The following PEA15 variants were observed in gnomAD, a reference collection of about 807,000 sequenced individuals.
The protein encoded by PEA15 is proliferation and apoptosis adaptor protein 15, also known as astrocytic phosphoprotein PEA-15.
For missense variants in PEA15, 77 were observed against 161.3 expected (o/e 0.48, Z 2.83); for synonymous variants, 60 against 61.8 (o/e 0.97, Z 0.13).
Position 160,215,157 on chromosome 1 carries a change from T to A in PEA15, c.*1671T>A, listed in dbSNP as rs1655053333. ...TGTTACATTAGAGTGAGAGAGAGAA[T>A]AAGGAGCCTTTCTTATGGAAGAAAT... is the stretch of plus-strand genomic sequence containing the variant. On this transcript the variant is annotated 3_prime_UTR_variant, in exon 4 of 4. Coordinates refer to ENST00000360472, the MANE Select transcript of PEA15 (RefSeq NM_003768.5). The A allele has an allele frequency of 6.6e-6, 1 of 152,514 alleles. No individual in the cohort carries two copies. The highest frequency in any genetic ancestry group is 1.5e-5 in the Non-Finnish European group (1 of 68,030). The allele number at this position is 152,514 out of a possible 1,614,324, so 9.4% of individuals were successfully genotyped here. A position where few individuals can be genotyped will look rare whatever the true frequency, so the allele number is the denominator to read the frequency against.
chr1:160,213,014 A>G lies in PEA15; in HGVS notation c.173-96A>G. 1.6e-6 allele frequency: 2 copies of G among 1,254,152 alleles called. No individual in the cohort carries two copies. The highest frequency in any genetic ancestry group is 2.3e-6 in the Non-Finnish European group (2 of 862,912). The allele number at this position is 1,254,152 out of a possible 1,614,324, so 77.7% of individuals were successfully genotyped here. On this transcript the variant is annotated intron_variant, in intron 2 of 3. Coordinates refer to ENST00000360472, the MANE Select transcript of PEA15 (RefSeq NM_003768.5). The surrounding 1 kb of genome is among the most constrained non-coding windows in gnomAD (Gnocchi z 5.3). ...GTTGTACCCTCCCATAACCAATGTC[A>G]GCAACTCAGCTTTGGTTCCAGGTCA...
chr1:160,213,945 A>C lies in PEA15; in HGVS notation c.*459A>C. 5.6e-6 allele frequency: 1 copy of C among 178,674 alleles called. No homozygotes were observed. The allele number at this position is 178,674 out of a possible 1,614,324, so 11.1% of individuals were successfully genotyped here. ...GGACGGAAGGCAAAGAGACCACTCA[A>C]CCCCCACCTGGAAGGGGCAAAGAAA... On this transcript the variant is annotated 3_prime_UTR_variant, in exon 4 of 4. Transcript: ENST00000360472. The surrounding 1 kb of genome is among the most constrained non-coding windows in gnomAD (Gnocchi z 5.3).
intron 1 of PEA15, among the ~76,000 whole-genome samples, chr1:160,206,847 T>C (rs1185304517): frequency 6.6e-6 from 1 of 152,130 alleles, no homozygotes; most frequent in Non-Finnish European, 1.5e-5. Context: ...GTCAGAGCGA[T>C]TAGCTTTAAT....
chr1:160,211,444 G>A, intron 1 of PEA15, 99 bp from the exon 2 acceptor site: 1 of 1,413,482 alleles, frequency 7.1e-7, no homozygotes, highest in Non-Finnish European at 9.5e-7. Context: ...GCACATGCCT[G>A]GTAGGGCAGA....
intron 1 of PEA15, among the ~76,000 whole-genome samples, chr1:160,209,319 T>C (rs932958401): frequency 4.1e-4 from 62 of 152,060 alleles, no homozygotes; most frequent in Non-Finnish European, 6.0e-4. Flanking sequence ...CACACATTTC[T>C]CCTCTGCCAC....
At chr1:160,207,697 A>C (rs4656891) in intron 1 of PEA15, among the ~76,000 whole-genome samples, 7,459 of 152,184 alleles carry the variant, frequency 0.049, 196 homozygotes, top group East Asian at 0.091. Flanking sequence ...CTCCTCCCCC[A>C]CAAAGCTGGA....
At chr1:160,209,356 T>C (rs1654748720) in intron 1 of PEA15, among the ~76,000 whole-genome samples, 1 of 152,174 alleles carries the variant, frequency 6.6e-6, no homozygotes, top group Admixed American at 6.5e-5. Context: ...CCATCTCTCT[T>C]AGGGGCCTCC....
At chr1:160,210,172 G>A (rs1473472944) in intron 1 of PEA15, among the ~76,000 whole-genome samples, 2 of 152,226 alleles carry the variant, frequency 1.3e-5, no homozygotes, top group African/African-American at 2.4e-5. Context: ...TTCCCCTGCA[G>A]TAGAGCAAGA....
intron 1 of PEA15, chr1:160,211,253 A>T: frequency 9.3e-7 from 1 of 1,073,530 alleles, no homozygotes; most frequent in Non-Finnish European, 1.1e-6. Context: ...AGTCAGGGGA[A>T]CTGTTGCCAG....
Position 160,213,012 on chromosome 1 carries a change from T to C in PEA15, c.173-98T>C, listed in dbSNP as rs979445381. 1 of 1,226,996 alleles carries C rather than the reference T, an allele frequency of 8.1e-7. No homozygotes were observed. The highest frequency in any genetic ancestry group is 1.5e-5 in the African/African-American group (1 of 67,460). The allele number at this position is 1,226,996 out of a possible 1,614,324, so 76.0% of individuals were successfully genotyped here. A position where few individuals can be genotyped will look rare whatever the true frequency, so the allele number is the denominator to read the frequency against. On this transcript the variant is annotated intron_variant, in intron 2 of 3. Transcript: ENST00000360472. This position sits in a 1 kb window ranked among gnomAD's most constrained non-coding sequence, Gnocchi z 5.3. ...GTGTTGTACCCTCCCATAACCAATG[T>C]CAGCAACTCAGCTTTGGTTCCAGGT...
chr1:160,207,050 T>C (rs1654630382), intron 1 of PEA15: 8 of 152,482 alleles, frequency 5.2e-5, no homozygotes. Context: ...AATGTCATGA[T>C]GGATATCTTC....
intron 1 of PEA15, chr1:160,207,346 G>C (rs1357000133): frequency 1.3e-5 from 2 of 152,402 alleles, no homozygotes; most frequent in Non-Finnish European, 2.9e-5. Context: ...GAGATGGAGA[G>C]AGACAGAAAT....
At position 160,211,527 on chromosome 1, in the gene PEA15, C is replaced by T. The variant is rs376332421; in HGVS notation, c.-2-16C>T. 4.6e-5 allele frequency: 73 copies of T among 1,597,382 alleles called. No homozygotes were observed. The African/African-American group carries it at 7.2e-4, about 16-fold the overall frequency. ...TTAAGCTCAACTCCTATCCCTTTGT[C>T]GCCTCCCAACCCCAGTCATGGCTGA... On this transcript the variant is annotated splice_polypyrimidine_tract_variant and intron_variant, in intron 1 of 3. Coordinates refer to ENST00000360472, the MANE Select transcript of PEA15 (RefSeq NM_003768.5).
Position 160,213,258 on chromosome 1 carries a change from G to C in PEA15, c.321G>C (p.Lys107Asn), listed in dbSNP as rs750006490. ...TKLTRIPSAKKYKDIIRQPSE... is the reference protein window; with the variant it reads ...TKLTRIPSAKNYKDIIRQPSE... ...TAACCCGTATCCCCAGTGCCAAGAA[G>C]TACAAAGGTAAGCGGCCACTCCTTT... The change falls in exon 3 of 4, where the codon AAG becomes AAC. Residue 107 changes from lysine to asparagine, a missense_variant. Lys to Asn is a moderately conservative substitution (Grantham distance 94). Transcript: ENST00000360472. The surrounding 1 kb of genome is among the most constrained non-coding windows in gnomAD (Gnocchi z 5.3). The C allele has an allele frequency of 6.2e-7, 1 of 1,614,218 alleles. No individual in the cohort carries two copies.
Position 160,213,171 on chromosome 1 carries a change from G to A in PEA15, c.234G>A (p.Met78Ile). The A allele has an allele frequency of 6.2e-7, 1 of 1,614,162 alleles. No individual in the cohort carries two copies. Among genetic ancestry groups the A allele is most frequent in the Non-Finnish European group, 8.5e-7 (1 of 1,180,020 alleles). ...CCCGCCGTCCTGACCTACTCACTATGGTGGTTGACTACAGAACCCGTGTGC... is the reference window on the plus strand; with the variant it reads ...CCCGCCGTCCTGACCTACTCACTATAGTGGTTGACTACAGAACCCGTGTGC... ...EISRRPDLLT[M>I]VVDYRTRVLK... The change falls in exon 3 of 4, where the codon ATG becomes ATA. Residue 78 changes from methionine to isoleucine, a missense_variant. Met to Ile is a conservative substitution (Grantham distance 10). Transcript: ENST00000360472. This position sits in a 1 kb window ranked among gnomAD's most constrained non-coding sequence, Gnocchi z 5.3.
At position 160,211,575 on chromosome 1, in the gene PEA15, C is replaced by T. The variant is rs1200410167; in HGVS notation, c.31C>T (p.Leu11=). 1.2e-6 allele frequency: 2 copies of T among 1,613,812 alleles called. No homozygotes were observed. Among genetic ancestry groups the T allele is most frequent in the African/African-American group, 1.3e-5 (1 of 75,040 alleles). The change falls in exon 2 of 4, where the codon CTG becomes TTG. Residue 11 remains leucine (L), a synonymous_variant. Coordinates refer to ENST00000360472, the MANE Select transcript of PEA15 (RefSeq NM_003768.5). ...TGAGTACGGGACCCTCCTGCAAGAC[C>T]TGACCAACAACATCACCCTTGAAGA... The part of the protein sequence containing the change: MAEYGTLLQD[L]TNNITLEDLE...
At position 160,211,618 on chromosome 1, in the gene PEA15, C is replaced by T; in HGVS notation, c.74C>T (p.Ser25Leu). The change falls in exon 2 of 4, where the codon TCG becomes TTG. Residue 25 changes from serine (S) to leucine (L), a missense_variant. Ser to Leu is a moderately radical substitution (Grantham distance 145). Coordinates refer to ENST00000360472, the MANE Select transcript of PEA15 (RefSeq NM_003768.5). Reference sequence around the variant, plus strand: ...CTTGAAGATCTAGAACAGCTCAAGTCGGCCTGCAAGGAAGACATCCCCAGC... The same window carrying T: ...CTTGAAGATCTAGAACAGCTCAAGTTGGCCTGCAAGGAAGACATCCCCAGC... Reference protein sequence around the residue: ...ITLEDLEQLKSACKEDIPSEK... With the variant: ...ITLEDLEQLKLACKEDIPSEK... The T allele has an allele frequency of 4.3e-6, 7 of 1,614,104 alleles. No individual in the cohort carries two copies. Among genetic ancestry groups the T allele is most frequent in the Non-Finnish European group, 4.2e-6 (5 of 1,179,982 alleles).
rs1654530116 is a variant in PEA15 at position 160,205,551 on chromosome 1, CGGGGAA to C, written c.-3+34_-3+39del. 6.5e-6 allele frequency: 1 copy of C among 154,478 alleles called. No individual in the cohort carries two copies. The highest frequency in any genetic ancestry group is 1.4e-5 in the Non-Finnish European group (1 of 69,184). The allele number at this position is 154,478 out of a possible 1,614,324, so 9.6% of individuals were successfully genotyped here. Reference sequence around the variant, plus strand: ...AGAGGGGCGGAGAGGAGACATGTCGCGGGGAAGGGGCAGATTTCGGGGTCTAGGCTT... The same window carrying C: ...AGAGGGGCGGAGAGGAGACATGTCGCGGGGCAGATTTCGGGGTCTAGGCTT... On this transcript the variant is annotated intron_variant, in intron 1 of 3. Coordinates refer to ENST00000360472, the MANE Select transcript of PEA15 (RefSeq NM_003768.5). This position sits in a 1 kb window ranked among gnomAD's most constrained non-coding sequence, Gnocchi z 5.9.
At position 160,213,619 on chromosome 1, in the gene PEA15, CGT is replaced by C. The variant is rs1040327151; in HGVS notation, c.*141_*142del. ...CTGGTCCTAACCCCCTTACTGTGCG[CGT>C]GTGTGTGCGTGTGCGCACGCTCTGG... On this transcript the variant is annotated 3_prime_UTR_variant, in exon 4 of 4. Transcript: ENST00000360472. The surrounding 1 kb of genome is among the most constrained non-coding windows in gnomAD (Gnocchi z 5.3). The C allele has an allele frequency of 1.6e-4, 74 of 463,588 alleles. No homozygotes were observed. The Middle Eastern group carries it at 1.7e-3, about 11-fold the overall frequency. 28.7% of individuals were successfully genotyped at this position (463,588 alleles called of 1,614,324 possible).
Sources: allele counts gnomAD v4.1 joint callset (sites outside exome capture counted in the v4.1 genomes callset), GRCh38; gene constraint gnomAD v4.1.1; non-coding constraint Gnocchi (gnomAD v3.1); transcripts MANE v1.5; gene names NCBI Gene and HGNC (gene_info 2026-07-23, HGNC 2026-07-21).